SV2C: variants seen among roughly 807,000 people sequenced by gnomAD.
SV2C encodes the protein solute carrier family 22 member B3.
In SV2C, 49 loss-of-function variants were observed where a neutral mutation model predicts 79.7. That is an observed-to-expected ratio of 0.61 (90% CI 0.49 to 0.78). The LOEUF (loss-of-function observed/expected upper bound fraction) is 0.78, where lower values mean the gene tolerates loss of function less well. SV2C is among the 30% of genes least tolerant of loss of function. The pLI is 0.00. For missense variants in SV2C, 833 were observed against 912.9 expected (o/e 0.91, Z 1.13); for synonymous variants, 334 against 333.2 (o/e 1.00, Z -0.03).
the SV2C span, among the ~76,000 whole-genome samples, chr5:75,998,911 T>G: frequency 1.3e-5 from 2 of 152,128 alleles, no homozygotes; most frequent in Non-Finnish European, 2.9e-5. Flanking sequence ...TCCATTTTCA[T>G]GCTGCTGATA....
At chr5:76,142,575 A>G (rs1561234424) in intron 2 of SV2C, among the ~76,000 whole-genome samples, 2 of 152,188 alleles carry the variant, frequency 1.3e-5, no homozygotes, top group South Asian at 4.1e-4. Flanking sequence ...GCCATCTGTT[A>G]CTGAGCATTT....
At chr5:75,952,033 A>T in the SV2C span, among the ~76,000 whole-genome samples, 1 of 152,006 alleles carries the variant, frequency 6.6e-6, no homozygotes. Context: ...ATAAAGAATG[A>T]TAAGCAGGTA....
chr5:76,087,123 CT>C (rs1310369881), intron 1 of SV2C, among the ~76,000 whole-genome samples: 3 of 152,146 alleles, frequency 2.0e-5, no homozygotes, highest in Admixed American at 6.5e-5. Flanking sequence ...TTACATGAAG[CT>C]ATAGGCTCTG....
intron 12 of SV2C, among the ~76,000 whole-genome samples, chr5:76,323,591 G>A (rs1748896833): frequency 6.6e-6 from 1 of 152,184 alleles, no homozygotes; most frequent in Non-Finnish European, 1.5e-5. Flanking sequence ...ACACATGAAT[G>A]TTTATTGCTG....
chr5:76,038,116 G>T, the SV2C span, among the ~76,000 whole-genome samples: 1 of 152,244 alleles, frequency 6.6e-6, no homozygotes, highest in South Asian at 2.1e-4. Flanking sequence ...CACGGTGCGT[G>T]CACCCACTGA....
chr5:76,050,645 C>T, the SV2C span, among the ~76,000 whole-genome samples: 133 of 152,240 alleles, frequency 8.7e-4, no homozygotes, highest in Middle Eastern at 3.4e-3. Context: ...ACTCTCTACC[C>T]AAAGCCTCGT....
chr5:75,891,234 G>A, the SV2C span, among the ~76,000 whole-genome samples: 3 of 152,116 alleles, frequency 2.0e-5, no homozygotes, highest in Non-Finnish European at 2.9e-5. Flanking sequence ...GATTAACTGT[G>A]TCTGCAGAGG....
chr5:76,338,901 A>T (rs1170514081), downstream of SV2C, among the ~76,000 whole-genome samples: 1 of 151,798 alleles, frequency 6.6e-6, no homozygotes, highest in Non-Finnish European at 1.5e-5. Context: ...AGGTGATCCA[A>T]CCGCCTCGGC....
chr5:76,272,221 T>C (rs960149796), intron 4 of SV2C, among the ~76,000 whole-genome samples: 5 of 152,146 alleles, frequency 3.3e-5, no homozygotes, highest in African/African-American at 1.2e-4. Flanking sequence ...GTCTTAATGC[T>C]GGAAATATTA....
chr5:76,213,002 A>G (rs986464744), intron 4 of SV2C, among the ~76,000 whole-genome samples: 2 of 152,254 alleles, frequency 1.3e-5, no homozygotes, highest in African/African-American at 4.8e-5. Context: ...TAAACAATGC[A>G]TGAAAAGTTA....
At chr5:76,066,436 C>T in the SV2C span, among the ~76,000 whole-genome samples, 201 of 105,456 alleles carry the variant, frequency 1.9e-3, 4 homozygotes, top group East Asian at 0.052. Flanking sequence ...CATCACACAC[C>T]GGGGCCTGTC....
the SV2C span, among the ~76,000 whole-genome samples, chr5:76,032,844 T>G: frequency 6.6e-6 from 1 of 152,182 alleles, no homozygotes; most frequent in Non-Finnish European, 1.5e-5. Context: ...AATGGTTGAA[T>G]TAGTTTACAG....
chr5:76,256,527 A>G (rs1409071268), intron 4 of SV2C, among the ~76,000 whole-genome samples: 1 of 152,210 alleles, frequency 6.6e-6, no homozygotes, highest in Non-Finnish European at 1.5e-5. Context: ...AGCAACCCTT[A>G]AACGTTTTAG....
In SV2C at chr5:76,285,748, C is replaced by T. The variant is rs755173118; in HGVS notation, c.1048-33C>T. The T allele has an allele frequency of 1.0e-5, 16 of 1,588,728 alleles. No homozygotes were observed. The African/African-American group carries it at 1.5e-4, about 15-fold the overall frequency. On this transcript the variant is annotated intron_variant, in intron 5 of 12. Transcript: ENST00000502798. ...AATCAGGGAGGGTAAGTGTGTCACT[C>T]CTAGCGCTTCACTGTCCACTCTCAT...
intron 2 of SV2C, among the ~76,000 whole-genome samples, chr5:76,174,339 A>G (rs1743455487): frequency 6.6e-6 from 1 of 152,270 alleles, no homozygotes; most frequent in African/African-American, 2.4e-5. Context: ...TACACGCCTG[A>G]ATCTGGGCGA....
the SV2C span, among the ~76,000 whole-genome samples, chr5:75,852,851 GA>G: frequency 1.6e-5 from 2 of 126,604 alleles, no homozygotes; most frequent in South Asian, 2.3e-4. Flanking sequence ...AAAGAAAAAA[GA>G]AAAAAAACTG....
At chr5:76,252,050 T>C (rs1746130949) in intron 4 of SV2C, among the ~76,000 whole-genome samples, 1 of 152,206 alleles carries the variant, frequency 6.6e-6, no homozygotes, top group East Asian at 1.9e-4. Flanking sequence ...ACCAGACTAA[T>C]TCCAGAGCTT....
the SV2C span, among the ~76,000 whole-genome samples, chr5:75,908,974 T>C: frequency 6.6e-6 from 1 of 152,220 alleles, no homozygotes; most frequent in Admixed American, 6.5e-5. Flanking sequence ...TTCCTTACGA[T>C]TTGAAAAATC....
At chr5:76,120,415 G>A (rs1748444988) in intron 1 of SV2C, among the ~76,000 whole-genome samples, 2 of 147,974 alleles carry the variant, frequency 1.4e-5, no homozygotes, top group Non-Finnish European at 3.0e-5. Context: ...TGTGCACAAT[G>A]TGCAGGTTAG....
Sources: gnomAD v4.1 joint callset for allele counts (sites outside exome capture counted in the v4.1 genomes callset) on GRCh38, gnomAD v4.1.1 for gene constraint, MANE v1.5 for transcripts, NCBI Gene and HGNC (gene_info 2026-07-23, HGNC 2026-07-21) for gene names.